The following KIAA0232 variants were observed in gnomAD, a reference collection of about 807,000 sequenced individuals.
KIAA0232 encodes the protein uncharacterized protein KIAA0232.
Under a neutral mutation model 122.0 loss-of-function variants are expected in KIAA0232, and 27 were observed. The ratio of observed to expected loss-of-function variants is 0.22; its 90% confidence interval spans 0.16 to 0.31. The LOEUF (loss-of-function observed/expected upper bound fraction) is 0.31. KIAA0232 is among the 10% of genes least tolerant of loss of function. The pLI is 1.00. For synonymous variants in KIAA0232, 613 were observed against 587.6 expected (o/e 1.04, Z -0.63); for missense variants, 1,551 against 1,634.2 (o/e 0.95, Z 0.88).
intron 3 of KIAA0232, among the ~76,000 whole-genome samples, chr4:6,841,778 A>G (rs751259888): frequency 6.6e-6 from 1 of 152,242 alleles, no homozygotes; most frequent in East Asian, 1.9e-4. Context: ...CAAAAACTAT[A>G]AAGCATCTTT....
intron 1 of KIAA0232, among the ~76,000 whole-genome samples, chr4:6,789,507 C>T (rs1252684005): frequency 1.3e-5 from 2 of 151,932 alleles, no homozygotes; most frequent in Non-Finnish European, 2.9e-5. Context: ...CTCCTGACCT[C>T]ATGATCTTCC....
At chr4:6,864,253 G>T in intron 7 of KIAA0232, 70 bp downstream of exon 7, 1 of 1,460,428 alleles carries the variant, frequency 6.8e-7, no homozygotes, top group South Asian at 1.4e-5. Flanking sequence ...AGACATGCCA[G>T]TCAATGAAAG....
intron 4 of KIAA0232, among the ~76,000 whole-genome samples, chr4:6,848,406 A>C (rs576283628): frequency 2.6e-5 from 4 of 152,310 alleles, no homozygotes; most frequent in African/African-American, 9.6e-5. Flanking sequence ...GATCAAAAAT[A>C]TTTGGAAAAA....
chr4:6,785,318 C>T lies in KIAA0232; in HGVS notation c.-354+2477C>T, dbSNP rs191963290. On this transcript the variant is annotated intron_variant, in intron 1 of 9. Transcript: ENST00000307659. The stretch of plus-strand genomic sequence containing the variant: ...CTCTGTGCTATGTTGTACGGTAGCA[C>T]TCTTCAAAAGAAATTAGATTGTTCT... Among the ~76,000 whole-genome samples the T allele has an allele frequency of 2.5e-4, 38 of 152,272 alleles. No homozygotes were observed. The East Asian group carries it at 6.9e-3, about 28-fold the overall frequency.
At chr4:6,844,132 G>A (rs138378239) in intron 4 of KIAA0232, among the ~76,000 whole-genome samples, 5 of 151,384 alleles carry the variant, frequency 3.3e-5, no homozygotes, top group African/African-American at 7.3e-5. Context: ...AGTAGTGATG[G>A]GGTATCACCG....
chr4:6,806,160 A>G lies in KIAA0232; in HGVS notation c.-270+1554A>G, dbSNP rs144507647. The stretch of plus-strand genomic sequence containing the variant: ...AAAGGCATTTTTTTAAATCTCCATA[A>G]CTTTTTGAAGGCATAAAAACTGCCA... On this transcript the variant is annotated intron_variant, in intron 2 of 9. Coordinates refer to ENST00000307659, the MANE Select transcript of KIAA0232 (RefSeq NM_014743.3). Among the ~76,000 whole-genome samples the G allele has an allele frequency of 2.1e-3, 325 of 152,240 alleles. 2 individuals are homozygous for G. The highest frequency in any genetic ancestry group is 7.5e-3 in the African/African-American group (312 of 41,530).
chr4:6,805,768 A>G (rs1183963472), intron 2 of KIAA0232, among the ~76,000 whole-genome samples: 1 of 152,124 alleles, frequency 6.6e-6, no homozygotes, highest in Non-Finnish European at 1.5e-5. Flanking sequence ...AGCTTTTTGC[A>G]TTTTCAAAAA....
At chr4:6,848,744 T>C (rs1207058695) in intron 4 of KIAA0232, among the ~76,000 whole-genome samples, 1 of 152,192 alleles carries the variant, frequency 6.6e-6, no homozygotes, top group East Asian at 1.9e-4. Context: ...ATCAATACAA[T>C]GATAACATTT....
chr4:6,858,903 A>G (rs1720700748), intron 6 of KIAA0232, among the ~76,000 whole-genome samples: 1 of 152,066 alleles, frequency 6.6e-6, no homozygotes. Flanking sequence ...TGAGGTCAGG[A>G]GTTTGAGACC....
At chr4:6,857,789 TC>T (rs1337393203) in intron 5 of KIAA0232, among the ~76,000 whole-genome samples, 1 of 152,198 alleles carries the variant, frequency 6.6e-6, no homozygotes, top group African/African-American at 2.4e-5. Context: ...TTGTTTGCAA[TC>T]CCTAAGAACG....
intron 7 of KIAA0232, among the ~76,000 whole-genome samples, chr4:6,866,666 T>C (rs1721197028): frequency 6.6e-6 from 1 of 152,204 alleles, no homozygotes; most frequent in African/African-American, 2.4e-5. Flanking sequence ...CAGACTTAGA[T>C]GATGAAAATG....
Position 6,824,584 on chromosome 4 carries a change from G to C in KIAA0232, c.131G>C (p.Gly44Ala). 1 of 1,614,196 alleles carries C rather than the reference G, an allele frequency of 6.2e-7. No individual in the cohort carries two copies. The highest frequency in any genetic ancestry group is 2.2e-5 in the East Asian group (1 of 44,890). Residue 44 changes from glycine to alanine, a missense_variant, in exon 3 of 10, where the codon GGA (glycine) becomes GCA (alanine). Physicochemically the swap from Gly to Ala is moderately conservative, Grantham distance 60. Coordinates refer to ENST00000307659, the MANE Select transcript of KIAA0232 (RefSeq NM_014743.3). ...TTGGGTCCAGTGCAGACCTGGCTGGGACAAGAGCTCGAGAAATGTGGCATT... is the reference window on the plus strand; with the variant it reads ...TTGGGTCCAGTGCAGACCTGGCTGGCACAAGAGCTCGAGAAATGTGGCATT... ...HALGPVQTWL[G>A]QELEKCGIDA...
chr4:6,821,561 T>G (rs916588510), intron 2 of KIAA0232, among the ~76,000 whole-genome samples: 37 of 152,128 alleles, frequency 2.4e-4, no homozygotes, highest in African/African-American at 8.9e-4. Flanking sequence ...CTTCGTTCCT[T>G]TTTGTGGCTG....
intron 2 of KIAA0232, among the ~76,000 whole-genome samples, chr4:6,805,047 A>T (rs547089909): frequency 2.6e-5 from 4 of 152,314 alleles, no homozygotes; most frequent in African/African-American, 9.6e-5. Context: ...ATATTTCCCT[A>T]ATTTATGCAA....
rs111622964 is a variant in KIAA0232, at chr4:6,839,724, T to G, written c.232-2343T>G. On this transcript the variant is annotated intron_variant, in intron 3 of 9. Transcript: ENST00000307659. ...GAAACAGACCCTGAAGAGACTGATGTGCTGTGTGAGGGCATTTCTAGTTAT... is the reference window on the plus strand; with the variant it reads ...GAAACAGACCCTGAAGAGACTGATGGGCTGTGTGAGGGCATTTCTAGTTAT... Among the ~76,000 whole-genome samples the G allele has an allele frequency of 4.3e-3, 662 of 152,254 alleles. 2 individuals are homozygous for G. Among genetic ancestry groups the G allele is most frequent in the African/African-American group, 0.015 (615 of 41,534 alleles).
Position 6,813,351 on chromosome 4 carries a change from GT to G in KIAA0232, c.-270+8758del, listed in dbSNP as rs539648260. 4.4e-3 allele frequency among the ~76,000 whole-genome samples: 615 copies of G among 140,606 alleles called. 4 individuals are homozygous for G. Among genetic ancestry groups the G allele is most frequent in the South Asian group, 0.015 (65 of 4,418 alleles). 92.2% of individuals were successfully genotyped at this position (140,606 alleles called of 152,430 possible). On this transcript the variant is annotated intron_variant, in intron 2 of 9. Transcript: ENST00000307659. The stretch of plus-strand genomic sequence containing the variant: ...TATAATAATTTAAGTACTTAGATCT[GT>G]TTTTTTTTTTTTGTTTTTTGTTTTT...
intron 2 of KIAA0232, among the ~76,000 whole-genome samples, chr4:6,807,032 G>A (rs9884384): frequency 0.013 from 1,886 of 145,814 alleles, 38 homozygotes; most frequent in African/African-American, 0.044. Context: ...CTGTCTGTCT[G>A]TCTATCTATC....
intron 1 of KIAA0232, among the ~76,000 whole-genome samples, chr4:6,797,387 C>G (rs1054368839): frequency 2.6e-5 from 4 of 152,190 alleles, no homozygotes; most frequent in African/African-American, 9.7e-5. Context: ...CCTGTTGGGA[C>G]AGTGAACAGT....
At chr4:6,789,856 GTTTCTACAAAAAAA>G (rs1349194407) in intron 1 of KIAA0232, among the ~76,000 whole-genome samples, 1 of 152,034 alleles carries the variant, frequency 6.6e-6, no homozygotes, top group East Asian at 1.9e-4. Context: ...GTGAAACCCT[GTTTCTACAAAAAAA>G]TTTTAAAAAT....
Sources: allele counts gnomAD v4.1 joint callset (sites outside exome capture counted in the v4.1 genomes callset), GRCh38; gene constraint gnomAD v4.1.1; transcripts MANE v1.5; gene names NCBI Gene and HGNC (gene_info 2026-07-23, HGNC 2026-07-21).